FGD3: variants seen among roughly 807,000 people sequenced by gnomAD.
FGD3 encodes FYVE, RhoGEF and PH domain-containing protein 3.
FGD3 carries 45 observed loss-of-function variants against 71.8 expected under a neutral mutation model. That is an observed-to-expected ratio of 0.63 (90% CI 0.49 to 0.80). The LOEUF (loss-of-function observed/expected upper bound fraction) is 0.80, where lower values mean the gene tolerates loss of function less well. FGD3 is among the 30% of genes least tolerant of loss of function. The probability of loss-of-function intolerance (pLI) is 0.00; values close to 1 mark genes in which losing one functional copy is unlikely to be tolerated. For missense variants in FGD3, 844 were observed against 951.5 expected (o/e 0.89, Z 1.49); for synonymous variants, 378 against 392.8 (o/e 0.96, Z 0.44).
At chr9:93,000,697 T>C (rs935207031) in intron 3 of FGD3, among the ~76,000 whole-genome samples, 1 of 152,214 alleles carries the variant, frequency 6.6e-6, no homozygotes, top group Non-Finnish European at 1.5e-5. Context: ...TATTTTTCTC[T>C]CGCTGCTTTC....
intron 3 of FGD3, among the ~76,000 whole-genome samples, chr9:92,991,574 A>G (rs938408313): frequency 6.6e-6 from 1 of 152,202 alleles, no homozygotes; most frequent in Non-Finnish European, 1.5e-5. Flanking sequence ...GTCCTAACAT[A>G]TTGTCAGTCC....
chr9:92,993,043 G>A (rs934853052), intron 3 of FGD3, among the ~76,000 whole-genome samples: 6 of 152,206 alleles, frequency 3.9e-5, no homozygotes, highest in Admixed American at 1.3e-4. Flanking sequence ...TCACTCCACC[G>A]CCAGCCAAAT....
chr9:93,031,416 T>TC (rs1462728846), intron 15 of FGD3, among the ~76,000 whole-genome samples: 1 of 152,158 alleles, frequency 6.6e-6, no homozygotes, highest in Non-Finnish European at 1.5e-5. Flanking sequence ...AACCTGGACT[T>TC]CCCCAGCAGA....
At position 93,035,422 on chromosome 9, in the gene FGD3, G is replaced by A. The variant is rs1862558489; in HGVS notation, c.2011G>A (p.Val671Met). 2 of 1,612,370 alleles carry A rather than the reference G, an allele frequency of 1.2e-6. No individual in the cohort carries two copies. Among genetic ancestry groups the A allele is most frequent in the Admixed American group, 1.7e-5 (1 of 59,852 alleles). Residue 671 changes from valine (V) to methionine (M), a missense_variant, in exon 18 of 18, where the codon GTG becomes ATG. Coordinates refer to ENST00000375482, the MANE Select transcript of FGD3 (RefSeq NM_001083536.2). Reference protein sequence around the residue: ...DPEERLDSGHVWKLQWAKQSW... With the variant: ...DPEERLDSGHMWKLQWAKQSW... ...TGAGGAGAGGCTGGACTCGGGGCAT[G>A]TGTGGAAGCTGCAGTGGGCCAAGCA...
Position 92,968,470 on chromosome 9 carries a change from A to AC in FGD3, c.-217-6764dup, listed in dbSNP as rs935366487. Among the ~76,000 whole-genome samples the AC allele has an allele frequency of 8.6e-5, 13 of 151,114 alleles. No individual in the cohort carries two copies. The East Asian group carries it at 2.5e-3, about 29-fold the overall frequency. On this transcript the variant is annotated intron_variant, in intron 1 of 17. Transcript: ENST00000375482. ...TGAGTTCTCAGCAGAGATGATGGAG[A>AC]CCCCTCCTCCATCCACTCCCACAGC...
At chr9:93,004,521 A>G (rs367872593) in intron 5 of FGD3, among the ~76,000 whole-genome samples, 1 of 152,120 alleles carries the variant, frequency 6.6e-6, no homozygotes, top group African/African-American at 2.4e-5. Flanking sequence ...CCCTCTCAAC[A>G]GTGGACCTCA....
At chr9:93,031,352 G>A (rs72741060) in intron 15 of FGD3, among the ~76,000 whole-genome samples, 5,837 of 152,260 alleles carry the variant, frequency 0.038, 135 homozygotes, top group Middle Eastern at 0.065. Flanking sequence ...GACTACTCAG[G>A]ATCAGAAGCT....
chr9:93,025,805 C>T (rs1204959453), intron 14 of FGD3, among the ~76,000 whole-genome samples: 1 of 152,232 alleles, frequency 6.6e-6, no homozygotes, highest in Non-Finnish European at 1.5e-5. Flanking sequence ...ACACGAACCC[C>T]TCCAAGGAGC....
At chr9:93,012,407 C>T (rs905611519) in intron 8 of FGD3, among the ~76,000 whole-genome samples, 2 of 152,126 alleles carry the variant, frequency 1.3e-5, no homozygotes, top group South Asian at 2.1e-4. Flanking sequence ...AAGTGGTCCC[C>T]GGCCTGCCCC....
In FGD3 at chr9:93,029,662, C is replaced by T. The variant is rs186164118; in HGVS notation, c.1558-212C>T. Among the ~76,000 whole-genome samples, 5 of 152,348 alleles carry T rather than the reference C, an allele frequency of 3.3e-5. No homozygotes were observed. The South Asian group carries it at 8.3e-4, about 25-fold the overall frequency. ...TCTTGATCCACTTAAAATCTTTACT[C>T]GGTGCCATGGGCACAGGCAGCCGCT... On this transcript the variant is annotated intron_variant, in intron 14 of 17. Coordinates refer to ENST00000375482, the MANE Select transcript of FGD3 (RefSeq NM_001083536.2).
chr9:92,957,578 G>A (rs1379616256), intron 1 of FGD3, among the ~76,000 whole-genome samples: 2 of 146,278 alleles, frequency 1.4e-5, no homozygotes, highest in African/African-American at 5.1e-5. Flanking sequence ...TCATTGATTT[G>A]TAGGAATCTT....
At chr9:92,949,727 T>C (rs964309504) in intron 1 of FGD3, among the ~76,000 whole-genome samples, 1 of 152,100 alleles carries the variant, frequency 6.6e-6, no homozygotes, top group Admixed American at 6.5e-5. Flanking sequence ...GAGGTGCTTG[T>C]GTGTGCAGAA....
chr9:93,015,553 G>A (rs1016338204), intron 9 of FGD3, 184 bp from the exon 10 acceptor site: 6 of 452,284 alleles, frequency 1.3e-5, no homozygotes, highest in South Asian at 5.3e-5. Flanking sequence ...TAAAGCTAGC[G>A]ACTAGAGTCT....
At chr9:92,993,045 C>T (rs1860481116) in intron 3 of FGD3, among the ~76,000 whole-genome samples, 1 of 152,184 alleles carries the variant, frequency 6.6e-6, no homozygotes, top group South Asian at 2.1e-4. Context: ...ACTCCACCGC[C>T]AGCCAAATCT....
rs201157431 is a variant in FGD3, at chr9:93,022,364, C to T, written c.1532C>T (p.Thr511Ile). The T allele has an allele frequency of 3.1e-6, 5 of 1,612,634 alleles. No individual in the cohort carries two copies. In the African/African-American group the frequency reaches 5.3e-5, roughly 17 times the overall value. The stretch of plus-strand genomic sequence containing the variant: ...AGCCCTGTGGAGCCTGTGGTGACCA[C>T]CGAAGGCAGTTCGGGTGCAGCAGGG... ...STSPVEPVVT[T>I]EGSSGAAGLE... is the part of the protein sequence containing the mutation. Residue 511 changes from threonine to isoleucine, a missense_variant, in exon 14 of 18, where the codon ACC becomes ATC. Coordinates refer to ENST00000375482, the MANE Select transcript of FGD3 (RefSeq NM_001083536.2).
At chr9:93,032,632 A>T in intron 15 of FGD3, 137 bp from the exon 16 acceptor site, 1 of 818,720 alleles carries the variant, frequency 1.2e-6, no homozygotes. Flanking sequence ...AGAAGCTCTT[A>T]TCCCTCGCCA....
At chr9:92,994,827 G>A (rs917730637) in intron 3 of FGD3, among the ~76,000 whole-genome samples, 3 of 152,058 alleles carry the variant, frequency 2.0e-5, no homozygotes, top group Non-Finnish European at 4.4e-5. Context: ...TGTTCCATTG[G>A]TCTATATCTC....
intron 3 of FGD3, among the ~76,000 whole-genome samples, chr9:92,982,208 G>A (rs1246653104): frequency 6.6e-6 from 1 of 151,922 alleles, no homozygotes; most frequent in Non-Finnish European, 1.5e-5. Context: ...ACTTTTTTTA[G>A]CTTCCATGTA....
chr9:93,006,081 G>C lies in FGD3; in HGVS notation c.738G>C (p.Met246Ile). ...ILQKLAPFLK[M>I]YGEYVKNFDR... ...AGAAGCTGGCCCCATTCCTGAAGATGTACGGCGAGTATGTCAAGAACTTTG... is the reference window on the plus strand; with the variant it reads ...AGAAGCTGGCCCCATTCCTGAAGATCTACGGCGAGTATGTCAAGAACTTTG... The change falls in exon 6 of 18, where the codon ATG becomes ATC. Residue 246 changes from methionine to isoleucine, a missense_variant. Physicochemically the swap from Met to Ile is conservative, Grantham distance 10 (BLOSUM62 1). Coordinates refer to ENST00000375482, the MANE Select transcript of FGD3 (RefSeq NM_001083536.2). The C allele has an allele frequency of 6.2e-7, 1 of 1,613,338 alleles. No individual in the cohort carries two copies. The highest frequency in any genetic ancestry group is 2.2e-5 in the East Asian group (1 of 44,814).
Sources: gnomAD v4.1 joint callset for allele counts (sites outside exome capture counted in the v4.1 genomes callset) on GRCh38, gnomAD v4.1.1 for gene constraint, MANE v1.5 for transcripts, NCBI Gene and HGNC (gene_info 2026-07-23, HGNC 2026-07-21) for gene names.